KHDRBS2: variants seen among roughly 807,000 people sequenced by gnomAD.
KHDRBS2 encodes KH RNA binding domain containing, signal transduction associated 2, also known as KH domain-containing, RNA-binding, signal transduction-associated protein 2.
KHDRBS2 carries 26 observed loss-of-function variants against 44.3 expected under a neutral mutation model. The observed-to-expected ratio is 0.59, with a 90% CI of 0.43 to 0.81. The LOEUF (loss-of-function observed/expected upper bound fraction) is 0.81, where lower values mean the gene tolerates loss of function less well. KHDRBS2 is among the 40% of genes least tolerant of loss of function. The pLI is 0.00. For missense variants in KHDRBS2, 476 were observed against 433.1 expected (o/e 1.10, Z -0.88); for synonymous variants, 194 against 151.1 (o/e 1.28, Z -2.08).
chr6:61,555,264 G>C, the KHDRBS2 span, among the ~76,000 whole-genome samples: 7 of 152,002 alleles, frequency 4.6e-5, no homozygotes, highest in Non-Finnish European at 8.8e-5. Context: ...CAGGTTTGGA[G>C]CTCTGAGATG....
chr6:61,702,586 G>A (rs1768861292), intron 7 of KHDRBS2, among the ~76,000 whole-genome samples: 2 of 151,916 alleles, frequency 1.3e-5, no homozygotes. Flanking sequence ...TTTAAAGACT[G>A]AAACTAGAGA....
intron 1 of KHDRBS2, among the ~76,000 whole-genome samples, chr6:62,276,139 T>C (rs1464670978): frequency 6.6e-6 from 1 of 152,232 alleles, no homozygotes; most frequent in East Asian, 1.9e-4. Context: ...TCTGGTTTTC[T>C]GTAAGAAGAG....
At chr6:62,202,745 T>C (rs564388291) in intron 1 of KHDRBS2, among the ~76,000 whole-genome samples, 1 of 152,182 alleles carries the variant, frequency 6.6e-6, no homozygotes, top group Admixed American at 6.6e-5. Flanking sequence ...TAAAGAAAAG[T>C]ACATGGTTCT....
intron 6 of KHDRBS2, among the ~76,000 whole-genome samples, chr6:61,773,653 TC>T (rs1781404344): frequency 6.6e-6 from 1 of 150,624 alleles, no homozygotes; most frequent in South Asian, 2.1e-4. Flanking sequence ...TTTAATTAGA[TC>T]CCATTTGTCA....
intron 2 of KHDRBS2, among the ~76,000 whole-genome samples, chr6:62,145,141 C>T (rs191555883): frequency 3.5e-4 from 53 of 151,904 alleles, no homozygotes; most frequent in African/African-American, 1.3e-3. Context: ...TCAGGTATTC[C>T]TTTACAGTAA....
At chr6:62,220,577 G>T (rs184245684) in intron 1 of KHDRBS2, among the ~76,000 whole-genome samples, 103 of 151,822 alleles carry the variant, frequency 6.8e-4, no homozygotes, top group Non-Finnish European at 1.4e-3. Flanking sequence ...GTGTTCTAAG[G>T]TACTTATATT....
chr6:61,717,081 T>C (rs1291909345), intron 7 of KHDRBS2, among the ~76,000 whole-genome samples: 3 of 152,084 alleles, frequency 2.0e-5, no homozygotes, highest in Non-Finnish European at 4.4e-5. Context: ...TTGTCATTCA[T>C]GTGAGTAGAG....
intron 3 of KHDRBS2, among the ~76,000 whole-genome samples, chr6:61,990,836 G>T (rs1584006145): frequency 6.6e-6 from 1 of 151,546 alleles, no homozygotes; most frequent in African/African-American, 2.4e-5. Flanking sequence ...CAACCTCCTG[G>T]GTAGCTGGGA....
At chr6:61,780,375 C>CTGT (rs1009953851) in intron 6 of KHDRBS2, among the ~76,000 whole-genome samples, 1 of 152,024 alleles carries the variant, frequency 6.6e-6, no homozygotes, top group African/African-American at 2.4e-5. Flanking sequence ...TGGCGTGTGC[C>CTGT]TGTAGTCCCA....
At chr6:61,883,509 A>G (rs1033766205) in intron 6 of KHDRBS2, among the ~76,000 whole-genome samples, 11 of 152,058 alleles carry the variant, frequency 7.2e-5, no homozygotes, top group South Asian at 2.1e-4. Context: ...ATTGTAGCCA[A>G]TAGAAGAATC....
intron 4 of KHDRBS2, among the ~76,000 whole-genome samples, chr6:61,912,699 G>T (rs954858595): frequency 3.3e-5 from 5 of 152,002 alleles, no homozygotes; most frequent in Non-Finnish European, 7.4e-5. Flanking sequence ...ATAGCTCTCT[G>T]CAAGAGCACT....
intron 1 of KHDRBS2, among the ~76,000 whole-genome samples, chr6:62,280,340 A>G (rs1364059419): frequency 2.6e-5 from 4 of 152,124 alleles, no homozygotes; most frequent in Non-Finnish European, 5.9e-5. Flanking sequence ...TGTGGGAAGG[A>G]GGGAAATGAA....
intron 1 of KHDRBS2, among the ~76,000 whole-genome samples, chr6:62,188,681 T>G (rs1213180121): frequency 6.6e-6 from 1 of 152,114 alleles, no homozygotes; most frequent in East Asian, 1.9e-4. Context: ...TGGAAAGAAT[T>G]TGGCACATTT....
At chr6:61,953,466 G>A (rs906420634) in intron 4 of KHDRBS2, among the ~76,000 whole-genome samples, 20 of 151,814 alleles carry the variant, frequency 1.3e-4, no homozygotes, top group Non-Finnish European at 1.0e-4. Flanking sequence ...CATCTAAACT[G>A]AAAAAGGTAA....
chr6:61,728,124 TC>T (rs146719029), intron 7 of KHDRBS2, among the ~76,000 whole-genome samples: 8,377 of 152,182 alleles, frequency 0.055, 362 homozygotes, highest in African/African-American at 0.11. Flanking sequence ...GGAATGAGAT[TC>T]TGTTCTTTGC....
chr6:61,938,906 C>T (rs775720292), intron 4 of KHDRBS2, among the ~76,000 whole-genome samples: 5 of 152,020 alleles, frequency 3.3e-5, no homozygotes, highest in Non-Finnish European at 7.4e-5. Context: ...AAGGGCAGTA[C>T]ATTTTTTTTT....
chr6:61,620,890 C>T, the KHDRBS2 span, among the ~76,000 whole-genome samples: 1 of 152,146 alleles, frequency 6.6e-6, no homozygotes, highest in Non-Finnish European at 1.5e-5. Context: ...TCCTTCCTTG[C>T]CTCACTCCAT....
At chr6:61,664,556 T>C in the KHDRBS2 span, among the ~76,000 whole-genome samples, 1 of 151,742 alleles carries the variant, frequency 6.6e-6, no homozygotes, top group African/African-American at 2.4e-5. Context: ...AACAGAACTG[T>C]AGCCATCTTC....
intron 1 of KHDRBS2, among the ~76,000 whole-genome samples, chr6:62,212,100 T>C (rs1011887654): frequency 3.9e-5 from 6 of 152,102 alleles, no homozygotes; most frequent in Admixed American, 3.3e-4. Context: ...GGGAACTAAA[T>C]GGTGAGAACA....
Sources: gnomAD v4.1 joint callset for allele counts (sites outside exome capture counted in the v4.1 genomes callset) on GRCh38, gnomAD v4.1.1 for gene constraint, MANE v1.5 for transcripts, NCBI Gene and HGNC (gene_info 2026-07-23, HGNC 2026-07-21) for gene names.